The following LDB2 variants were observed in gnomAD, a reference collection of about 807,000 sequenced individuals.
LDB2 encodes LIM domain binding 2, also known as LIM domain-binding protein 2.
In LDB2, 12 loss-of-function variants were observed where a neutral mutation model predicts 44.3. That is an observed-to-expected ratio of 0.27 (90% confidence interval 0.17 to 0.44). LDB2 has a LOEUF of 0.44. Among genes scored for constraint, LDB2 ranks in the 20% least tolerant of loss-of-function variants. The pLI is 1.00. For synonymous variants in LDB2, 164 were observed against 174.8 expected (o/e 0.94, Z 0.49); for missense variants, 344 against 473.5 (o/e 0.73, Z 2.54).
At chr4:16,557,509 G>C (rs1331036465) in intron 5 of LDB2, among the ~76,000 whole-genome samples, 1 of 152,248 alleles carries the variant, frequency 6.6e-6, no homozygotes, top group Non-Finnish European at 1.5e-5. Context: ...GAGGCTGGGG[G>C]AGGGGCGCCT....
intron 1 of LDB2, among the ~76,000 whole-genome samples, chr4:16,895,948 TTCTC>T (rs1370417654): frequency 1.9e-4 from 29 of 152,174 alleles, no homozygotes; most frequent in South Asian, 2.1e-4. Flanking sequence ...AATTATTTGA[TTCTC>T]TCCCCTTTTC....
intron 2 of LDB2, among the ~76,000 whole-genome samples, chr4:16,622,791 C>A (rs1018614688): frequency 6.6e-6 from 1 of 152,206 alleles, no homozygotes; most frequent in Non-Finnish European, 1.5e-5. Flanking sequence ...GGGGGAAACA[C>A]TCCAATCTCT....
chr4:16,764,334 T>C (rs1390970773), intron 1 of LDB2, among the ~76,000 whole-genome samples: 2 of 152,120 alleles, frequency 1.3e-5, no homozygotes, highest in Admixed American at 6.6e-5. Context: ...GTGTAGTTCC[T>C]GGGATCAGTT....
chr4:16,557,726 A>G (rs1023861975), intron 5 of LDB2, among the ~76,000 whole-genome samples: 2 of 152,200 alleles, frequency 1.3e-5, no homozygotes, highest in African/African-American at 4.8e-5. Context: ...TTCTCCCAGC[A>G]CGCAGCTGGA....
At chr4:16,869,663 T>C (rs79396142) in intron 1 of LDB2, among the ~76,000 whole-genome samples, 2,302 of 152,250 alleles carry the variant, frequency 0.015, 55 homozygotes, top group African/African-American at 0.053. Flanking sequence ...TCAAAACCAC[T>C]GCACCATGGG....
intron 5 of LDB2, among the ~76,000 whole-genome samples, chr4:16,560,444 C>T (rs1230081170): frequency 5.3e-4 from 81 of 152,190 alleles, no homozygotes; most frequent in South Asian, 2.1e-3. Flanking sequence ...AACACCTCTA[C>T]GCAAATAAAC....
chr4:16,560,268 A>C (rs76056802), intron 5 of LDB2, among the ~76,000 whole-genome samples: 1 of 152,178 alleles, frequency 6.6e-6, no homozygotes, highest in Non-Finnish European at 1.5e-5. Flanking sequence ...AAAATTAATG[A>C]ATCCCGGGGC....
chr4:16,684,483 T>G (rs1185800356), intron 2 of LDB2, among the ~76,000 whole-genome samples: 2 of 152,238 alleles, frequency 1.3e-5, no homozygotes, highest in African/African-American at 4.8e-5. Context: ...CTACAAAATA[T>G]GTATATATTC....
At chr4:16,592,439 A>AT (rs1719345164) in intron 3 of LDB2, among the ~76,000 whole-genome samples, 2 of 147,034 alleles carry the variant, frequency 1.4e-5, no homozygotes, top group Admixed American at 1.4e-4. Context: ...CTGCATATGT[A>AT]AACGCATTCA....
At chr4:16,890,795 T>G (rs1723156090) in intron 1 of LDB2, among the ~76,000 whole-genome samples, 1 of 152,120 alleles carries the variant, frequency 6.6e-6, no homozygotes, top group Non-Finnish European at 1.5e-5. Flanking sequence ...CTTCAACAAC[T>G]GGCAGGCATT....
chr4:16,581,172 G>C (rs1714258793), intron 5 of LDB2, among the ~76,000 whole-genome samples: 1 of 152,170 alleles, frequency 6.6e-6, no homozygotes. Flanking sequence ...CAGAAAAGAG[G>C]ACCAGAAGCA....
At chr4:16,515,848 A>T (rs139639199) in intron 5 of LDB2, among the ~76,000 whole-genome samples, 2 of 125,414 alleles carry the variant, frequency 1.6e-5, no homozygotes, top group African/African-American at 2.8e-5. Context: ...TTATTTATTT[A>T]TTTTATTATT....
intron 2 of LDB2, among the ~76,000 whole-genome samples, chr4:16,667,020 T>A (rs1487599439): frequency 6.6e-6 from 1 of 152,178 alleles, no homozygotes; most frequent in African/African-American, 2.4e-5. Context: ...ATCTGCTGGA[T>A]TAAGTGCATC....
chr4:16,677,159 T>C (rs1000815891), intron 2 of LDB2, among the ~76,000 whole-genome samples: 1 of 152,052 alleles, frequency 6.6e-6, no homozygotes, highest in Non-Finnish European at 1.5e-5. Flanking sequence ...CAATCAGCAC[T>C]GAAGGAAAAT....
At chr4:16,846,303 T>A (rs563439205) in intron 1 of LDB2, among the ~76,000 whole-genome samples, 2 of 152,320 alleles carry the variant, frequency 1.3e-5, no homozygotes, top group East Asian at 3.9e-4. Context: ...TGTAAACCTA[T>A]CAAGATGGCT....
chr4:16,521,483 C>T (rs1415381229), intron 5 of LDB2, among the ~76,000 whole-genome samples: 1 of 152,140 alleles, frequency 6.6e-6, no homozygotes, highest in Non-Finnish European at 1.5e-5. Context: ...AGATCTTTAA[C>T]TGATAACATC....
chr4:16,827,300 G>A (rs1783236969), intron 1 of LDB2, among the ~76,000 whole-genome samples: 1 of 152,122 alleles, frequency 6.6e-6, no homozygotes, highest in African/African-American at 2.4e-5. Flanking sequence ...CAGAAGGGCT[G>A]GATACAGGTT....
intron 1 of LDB2, among the ~76,000 whole-genome samples, chr4:16,831,326 C>T (rs756428975): frequency 1.3e-4 from 19 of 151,962 alleles, no homozygotes; most frequent in Non-Finnish European, 1.9e-4. Context: ...AAGAATAAGC[C>T]GGGTCACATA....
At chr4:16,730,867 TAA>T (rs1280435800) in intron 2 of LDB2, among the ~76,000 whole-genome samples, 1 of 151,530 alleles carries the variant, frequency 6.6e-6, no homozygotes, top group Non-Finnish European at 1.5e-5. Flanking sequence ...ACATTCTGCC[TAA>T]CACATACAAC....
Sources: allele counts gnomAD v4.1 joint callset (sites outside exome capture counted in the v4.1 genomes callset), GRCh38; gene constraint gnomAD v4.1.1; transcripts MANE v1.5; gene names NCBI Gene and HGNC (gene_info 2026-07-23, HGNC 2026-07-21).